Variants in MAN1A1 observed in about 807,000 individuals in gnomAD.
MAN1A1 encodes the protein mannosidase alpha class 1A member 1, also known as mannosyl-oligosaccharide 1,2-alpha-mannosidase IA.
Under a neutral mutation model 70.8 loss-of-function variants are expected in MAN1A1, and 29 were observed. That is an observed-to-expected ratio of 0.41 (90% CI 0.31 to 0.56). The LOEUF is 0.56. MAN1A1 is among the 20% of genes least tolerant of loss of function. MAN1A1 has a pLI of 0.29. For missense variants in MAN1A1, 747 were observed against 841.3 expected, an observed-to-expected ratio of 0.89 and a Z score of 1.39; for synonymous variants, 349 against 330.1, an observed-to-expected ratio of 1.06 and a Z score of -0.62.
chr6:119,188,527 T>A lies in MAN1A1; in HGVS notation c.1597A>T (p.Ile533Phe). 2 of 1,614,102 alleles carry A rather than the reference T, an allele frequency of 1.2e-6. No homozygotes were observed. Among genetic ancestry groups the A allele is most frequent in the Non-Finnish European group, 1.7e-6 (2 of 1,179,952 alleles). The change falls in exon 11 of 13, where the codon ATC (isoleucine) becomes TTC (phenylalanine). Residue 533 changes from isoleucine (I) to phenylalanine (F), a missense_variant. Physicochemically the swap from Ile to Phe is conservative, Grantham distance 21 (BLOSUM62 0). Around this residue, in one of 2 missense-constraint regions of MAN1A1, gnomAD observed 419 missense variants for 548.2 expected, o/e 0.76. Transcript: ENST00000368468. ...AFRFDGGVEA[I>F]ATRQNEKYYI... is the part of the protein sequence containing the mutation. Reference sequence around the variant, plus strand: ...TATTTTTCATTTTGTCTTGTAGCGATGGCTTCAACACCACCATCAAATCTG... The same window carrying A: ...TATTTTTCATTTTGTCTTGTAGCGAAGGCTTCAACACCACCATCAAATCTG...
At chr6:119,346,247 G>A (rs9398506) in intron 2 of MAN1A1, among the ~76,000 whole-genome samples, 15,908 of 152,262 alleles carry the variant, frequency 0.1, 1,199 homozygotes, top group Admixed American at 0.25. Context: ...TTTACAATGG[G>A]CAACCACTCT....
intron 6 of MAN1A1, among the ~76,000 whole-genome samples, chr6:119,234,438 G>A (rs1226244584): frequency 2.0e-5 from 3 of 151,836 alleles, no homozygotes; most frequent in Non-Finnish European, 4.4e-5. Flanking sequence ...TTGAGAGACA[G>A]GGTCTCACTC....
At chr6:119,200,693 C>A (rs1773691737) in intron 8 of MAN1A1, among the ~76,000 whole-genome samples, 1 of 152,138 alleles carries the variant, frequency 6.6e-6, no homozygotes, top group Admixed American at 6.5e-5. Context: ...GTGCAGGCTT[C>A]TAGGATCAAA....
At chr6:119,188,360 T>C in intron 11 of MAN1A1, 45 bp downstream of exon 11, 1 of 1,527,158 alleles carries the variant, frequency 6.5e-7, no homozygotes, top group Non-Finnish European at 8.8e-7. Flanking sequence ...GAACATTTTT[T>C]ACTATGAAAT....
intron 2 of MAN1A1, among the ~76,000 whole-genome samples, chr6:119,335,705 T>G (rs1195255415): frequency 6.6e-6 from 1 of 152,196 alleles, no homozygotes; most frequent in East Asian, 1.9e-4. Context: ...GAGGGCTTCA[T>G]GAGGACATGG....
chr6:119,341,902 G>C (rs1773603332), intron 2 of MAN1A1, among the ~76,000 whole-genome samples: 1 of 152,178 alleles, frequency 6.6e-6, no homozygotes. Context: ...GACTGCTTCA[G>C]CTCAGGACTT....
At chr6:119,209,094 A>C (rs79900167) in intron 6 of MAN1A1, among the ~76,000 whole-genome samples, 3 of 151,670 alleles carry the variant, frequency 2.0e-5, no homozygotes, top group Admixed American at 6.6e-5. Flanking sequence ...CCGTCTCAAA[A>C]AAAAAAAAAA....
chr6:119,295,951 A>G (rs1396830075), intron 4 of MAN1A1, among the ~76,000 whole-genome samples: 1 of 152,176 alleles, frequency 6.6e-6, no homozygotes, highest in East Asian at 1.9e-4. Context: ...GCTTTGTTAG[A>G]AGCAACATGA....
At chr6:119,226,895 T>C (rs1043646592) in intron 6 of MAN1A1, among the ~76,000 whole-genome samples, 50 of 152,252 alleles carry the variant, frequency 3.3e-4, no homozygotes, top group African/African-American at 1.2e-3. Flanking sequence ...GGTCTTGAAC[T>C]CCTGGCCTCA....
At chr6:119,214,452 G>A (rs898285625) in intron 6 of MAN1A1, among the ~76,000 whole-genome samples, 2 of 152,172 alleles carry the variant, frequency 1.3e-5, no homozygotes, top group Non-Finnish European at 2.9e-5. Context: ...AGAAATAACT[G>A]CAGTTTATAA....
At chr6:119,343,445 G>C (rs1172056053) in intron 2 of MAN1A1, among the ~76,000 whole-genome samples, 2 of 152,122 alleles carry the variant, frequency 1.3e-5, no homozygotes, top group East Asian at 3.9e-4. Flanking sequence ...TCATTCAGAT[G>C]CAATACCTTA....
At chr6:119,190,166 T>C (rs2072891) in intron 9 of MAN1A1, among the ~76,000 whole-genome samples, 108,374 of 152,142 alleles carry the variant, frequency 0.71, 40,921 homozygotes, top group Non-Finnish European at 0.83. Context: ...AAAAACTTTC[T>C]CCTTCCCAAA....
chr6:119,328,988 A>G (rs1391509218), intron 2 of MAN1A1, among the ~76,000 whole-genome samples: 6 of 152,240 alleles, frequency 3.9e-5, no homozygotes, highest in African/African-American at 1.2e-4. Context: ...GAAATTTTCA[A>G]TAAGATAAAT....
At chr6:119,210,165 A>T (rs2114956203) in intron 6 of MAN1A1, among the ~76,000 whole-genome samples, 1 of 152,294 alleles carries the variant, frequency 6.6e-6, no homozygotes, top group South Asian at 2.1e-4. Context: ...AAAGATGGCG[A>T]GAGGCACTCT....
At chr6:119,216,819 G>A (rs927403995) in intron 6 of MAN1A1, among the ~76,000 whole-genome samples, 2 of 152,166 alleles carry the variant, frequency 1.3e-5, no homozygotes, top group South Asian at 2.1e-4. Flanking sequence ...ATTTCTCAGA[G>A]TAAACATGAA....
intron 2 of MAN1A1, among the ~76,000 whole-genome samples, chr6:119,316,420 C>T (rs754491805): frequency 6.6e-6 from 1 of 152,022 alleles, no homozygotes; most frequent in Non-Finnish European, 1.5e-5. Flanking sequence ...CCCACCTTGG[C>T]CTCCCAAAAT....
chr6:119,253,201 A>G (rs1775371555), intron 5 of MAN1A1, among the ~76,000 whole-genome samples: 2 of 152,156 alleles, frequency 1.3e-5, no homozygotes, highest in African/African-American at 2.4e-5. Flanking sequence ...AGCACTTCCC[A>G]AAGCCAAATC....
At chr6:119,208,394 T>C (rs192057956) in intron 6 of MAN1A1, among the ~76,000 whole-genome samples, 1 of 152,324 alleles carries the variant, frequency 6.6e-6, no homozygotes, top group East Asian at 1.9e-4. Flanking sequence ...AAATAATAGA[T>C]TTTGGCAACT....
chr6:119,279,007 T>C (rs997312602), intron 5 of MAN1A1, among the ~76,000 whole-genome samples: 1 of 152,104 alleles, frequency 6.6e-6, no homozygotes, highest in African/African-American at 2.4e-5. Flanking sequence ...TATTCTTTTA[T>C]AGCAATACAA....
Sources: allele counts gnomAD v4.1 joint callset (sites outside exome capture counted in the v4.1 genomes callset), GRCh38; gene constraint gnomAD v4.1.1; regional missense constraint gnomAD v4.1.1; transcripts MANE v1.5; gene names NCBI Gene and HGNC (gene_info 2026-07-23, HGNC 2026-07-21).